The following GRAMD4 variants were observed in gnomAD, a reference collection of about 807,000 sequenced individuals.
GRAMD4 encodes GRAM domain containing 4.
Under a neutral mutation model 83.9 loss-of-function variants are expected in GRAMD4, and 25 were observed. The ratio of observed to expected loss-of-function variants is 0.30; its 90% CI spans 0.22 to 0.42. GRAMD4 has a LOEUF of 0.42. Among genes scored for constraint, GRAMD4 ranks in the 10% least tolerant of loss-of-function variants. GRAMD4 has a pLI of 1.00. For synonymous variants in GRAMD4, 336 were observed against 320.9 expected, an observed-to-expected ratio of 1.05 and a Z score of -0.50; for missense variants, 593 against 788.7, an observed-to-expected ratio of 0.75 and a Z score of 2.97.
chr22:46,665,729 G>C (rs778229905), intron 9 of GRAMD4, 23 bp downstream of exon 9: 2 of 1,263,660 alleles, frequency 1.6e-6, no homozygotes, highest in South Asian at 2.4e-5. Context: ...GTTTGTTGCA[G>C]CTGCTTTATC....
At chr22:46,661,495 G>A (rs1018500936) in intron 5 of GRAMD4, 53 bp downstream of exon 5, 72 of 1,220,672 alleles carry the variant, frequency 5.9e-5, no homozygotes, top group East Asian at 2.6e-4. Context: ...GTGGCTGCGC[G>A]TCACCTGCTG....
intron 1 of GRAMD4, among the ~76,000 whole-genome samples, chr22:46,596,747 C>T (rs1443190741): frequency 1.3e-5 from 2 of 152,192 alleles, no homozygotes; most frequent in Non-Finnish European, 2.9e-5. Flanking sequence ...GACAGGATTT[C>T]ACCATGTTAG....
At chr22:46,595,672 T>G (rs1433844981) in intron 1 of GRAMD4, among the ~76,000 whole-genome samples, 1 of 152,190 alleles carries the variant, frequency 6.6e-6, no homozygotes, top group East Asian at 1.9e-4. Context: ...CAGAACAGCC[T>G]TTCCAGCTGC....
At chr22:46,588,380 G>A (rs1460792464) in intron 1 of GRAMD4, among the ~76,000 whole-genome samples, 1 of 152,196 alleles carries the variant, frequency 6.6e-6, no homozygotes, top group Non-Finnish European at 1.5e-5. Flanking sequence ...AGGGCAGGGA[G>A]GTGGCAGGCC....
chr22:46,593,869 G>A (rs552647267), intron 1 of GRAMD4, among the ~76,000 whole-genome samples: 49 of 151,878 alleles, frequency 3.2e-4, no homozygotes, highest in African/African-American at 9.9e-4. Flanking sequence ...GATTACAGGC[G>A]TGCACCACCA....
chr22:46,666,488 G>A (rs1184849263), intron 9 of GRAMD4, among the ~76,000 whole-genome samples: 2 of 152,234 alleles, frequency 1.3e-5, no homozygotes, highest in Non-Finnish European at 2.9e-5. Flanking sequence ...ACTCTGGAAG[G>A]TGTCGTTGGT....
chr22:46,604,298 CTG>C (rs1437496145), intron 1 of GRAMD4, among the ~76,000 whole-genome samples: 1 of 152,142 alleles, frequency 6.6e-6, no homozygotes, highest in African/African-American at 2.4e-5. Context: ...CTTCTAAAAT[CTG>C]TTGTTTTTCT....
chr22:46,587,607 A>G (rs1221825837), intron 1 of GRAMD4, among the ~76,000 whole-genome samples: 1 of 151,892 alleles, frequency 6.6e-6, no homozygotes, highest in East Asian at 2.0e-4. Flanking sequence ...GCGGGGGGCC[A>G]GTGGGCTGGA....
downstream of GRAMD4, among the ~76,000 whole-genome samples, chr22:46,680,801 CCTACCCATCCATCCAT>C (rs1372281262): frequency 1.1e-4 from 11 of 97,538 alleles, no homozygotes; most frequent in African/African-American, 5.3e-4. Context: ...TATCCATTCA[CCTACCCATCCATCCAT>C]CCATCCATCC....
rs556870149 is a variant in GRAMD4 at position 46,667,712 on chromosome 22, C to T, written c.859-384C>T. 2.2e-4 allele frequency among the ~76,000 whole-genome samples: 34 copies of T among 152,336 alleles called. 1 individual carries two copies. In the South Asian group the frequency reaches 6.2e-3, roughly 28 times the overall value. ...GGCTGTTGCCCGCCCAGCACTGGGACCCAGGAGACCTTGAGAGGCTCTTAA... is the reference window on the plus strand; with the variant it reads ...GGCTGTTGCCCGCCCAGCACTGGGATCCAGGAGACCTTGAGAGGCTCTTAA... On this transcript the variant is annotated intron_variant, in intron 10 of 18. Coordinates refer to ENST00000406902, the MANE Select transcript of GRAMD4 (RefSeq NM_015124.5).
At chr22:46,643,156 C>G (rs1569283863) in intron 3 of GRAMD4, among the ~76,000 whole-genome samples, 1 of 148,730 alleles carries the variant, frequency 6.7e-6, no homozygotes. Flanking sequence ...TCCATCCATC[C>G]ATCCATCCAT....
At chr22:46,636,500 C>G (rs765292777) in intron 2 of GRAMD4, among the ~76,000 whole-genome samples, 1 of 152,240 alleles carries the variant, frequency 6.6e-6, no homozygotes, top group African/African-American at 2.4e-5. Flanking sequence ...GTTCCCGAAG[C>G]CAGCGCCTTA....
chr22:46,587,778 C>G (rs2081165065), intron 1 of GRAMD4: 1 of 376,280 alleles, frequency 2.7e-6, no homozygotes, highest in Admixed American at 6.4e-5. Context: ...GTGGTCGTTG[C>G]TGGCCCCTGG....
intron 1 of GRAMD4, among the ~76,000 whole-genome samples, chr22:46,608,500 G>A (rs1018464113): frequency 9.9e-5 from 15 of 152,280 alleles, no homozygotes; most frequent in Middle Eastern, 3.4e-3. Flanking sequence ...GCAACATGGC[G>A]AAACCCCATC....
Position 46,673,010 on chromosome 22 carries a change from C to T in GRAMD4, c.1239+13C>T, listed in dbSNP as rs1317743771. 1.9e-6 allele frequency: 3 copies of T among 1,568,086 alleles called. No individual in the cohort carries two copies. The Admixed American group carries it at 5.5e-5, about 29-fold the overall frequency. Reference sequence around the variant, plus strand: ...AGTCTCACGCAGGGTGAGCCCGGCCCCCAGCTGCGGGGATGGGGGGATGGG... The same window carrying T: ...AGTCTCACGCAGGGTGAGCCCGGCCTCCAGCTGCGGGGATGGGGGGATGGG... On this transcript the variant is annotated intron_variant, in intron 14 of 18. Coordinates refer to ENST00000406902, the MANE Select transcript of GRAMD4 (RefSeq NM_015124.5).
intron 4 of GRAMD4, among the ~76,000 whole-genome samples, chr22:46,658,547 G>T (rs960285471): frequency 3.3e-5 from 5 of 152,102 alleles, no homozygotes; most frequent in African/African-American, 1.2e-4. Flanking sequence ...GTCTGGAAAA[G>T]GGTGCACAGG....
Position 46,678,786 on chromosome 22 carries a change from C to T in GRAMD4, c.*1535C>T, listed in dbSNP as rs1021529504. ...CCGGCGGCATGGGCTGGTTTCACCC[C>T]CTTCACGAGGGGCCGCAGAGTCACA... On this transcript the variant is annotated 3_prime_UTR_variant, in exon 19 of 19. Coordinates refer to ENST00000406902, the MANE Select transcript of GRAMD4 (RefSeq NM_015124.5). The T allele has an allele frequency of 1.0e-6, 1 of 986,126 alleles. No homozygotes were observed. Among genetic ancestry groups the T allele is most frequent in the South Asian group, 4.7e-5 (1 of 21,300 alleles). The allele number at this position is 986,126 out of a possible 1,614,324, so 61.1% of individuals were successfully genotyped here.
Position 46,659,761 on chromosome 22 carries a change from G to A in GRAMD4, c.404+1454G>A, listed in dbSNP as rs73888603. Among the ~76,000 whole-genome samples, 4,104 of 152,224 alleles carry A rather than the reference G, an allele frequency of 0.027. 199 individuals carry two copies. The highest frequency in any genetic ancestry group is 0.094 in the African/African-American group (3,906 of 41,490). ...GCATCCAGCTGGTGTGGGGGAGGGA[G>A]AGGCCTCACTTTCCTATTCCGCCCT... On this transcript the variant is annotated intron_variant, in intron 4 of 18. Transcript: ENST00000406902. The surrounding 1 kb of genome is among the most constrained non-coding windows in gnomAD (Gnocchi z 4.1).
Position 46,622,043 on chromosome 22 carries a change from T to C in GRAMD4, c.-50+1478T>C, listed in dbSNP as rs1306921660. Among the ~76,000 whole-genome samples the C allele has an allele frequency of 6.6e-6, 1 of 152,154 alleles. No homozygotes were observed. Among genetic ancestry groups the C allele is most frequent in the Non-Finnish European group, 1.5e-5 (1 of 68,020 alleles). ...CTGGGTTTGGGGCTGAGCCGGTGGC[T>C]GGGAGAGCAGACTGAGGAGTAGCTG... On this transcript the variant is annotated intron_variant, in intron 1 of 18. Transcript: ENST00000406902. This position sits in a 1 kb window ranked among gnomAD's most constrained non-coding sequence, Gnocchi z 4.0.
Sources: allele counts gnomAD v4.1 joint callset (sites outside exome capture counted in the v4.1 genomes callset), GRCh38; gene constraint gnomAD v4.1.1; non-coding constraint Gnocchi (gnomAD v3.1); transcripts MANE v1.5; gene names NCBI Gene and HGNC (gene_info 2026-07-23, HGNC 2026-07-21).